CIT: variants seen among roughly 807,000 people sequenced by gnomAD.
CIT encodes the protein citron rho-interacting serine/threonine kinase.
CIT carries 79 observed loss-of-function variants against 272.7 expected under a neutral mutation model. That is an observed-to-expected ratio of 0.29 (90% CI 0.24 to 0.35). CIT has a LOEUF of 0.35. CIT is among the 10% of genes least tolerant of loss of function. The probability of loss-of-function intolerance (pLI) is 1.00; values close to 1 mark genes in which losing one functional copy is unlikely to be tolerated. For missense variants in CIT, 1,909 were observed against 2,618.3 expected (o/e 0.73, Z 5.91); for synonymous variants, 948 against 995.6 (o/e 0.95, Z 0.90).
chr12:119,804,384 A>C lies in CIT; in HGVS notation c.1112-995T>G. The stretch of plus-strand genomic sequence containing the variant: ...GCCAGGCGAGTTAGAGCCGAGCATC[A>C]CATCCCCCGCAGTGCAGGCTGCATG... On this transcript the variant is annotated intron_variant, in intron 9 of 47. Coordinates refer to ENST00000392521, the MANE Select transcript of CIT (RefSeq NM_001206999.2). This position sits in a 1 kb window ranked among gnomAD's most constrained non-coding sequence, Gnocchi z 5.3. 1.0e-6 allele frequency: 1 copy of C among 985,504 alleles called. No individual in the cohort carries two copies. Among genetic ancestry groups the C allele is most frequent in the Non-Finnish European group, 1.2e-6 (1 of 830,010 alleles). The allele number at this position is 985,504 out of a possible 1,614,324, so 61.0% of individuals were successfully genotyped here.
At chr12:119,829,344 AAGAAGAGAAG>A (rs58685524) in intron 7 of CIT, among the ~76,000 whole-genome samples, 16,759 of 133,276 alleles carry the variant, frequency 0.13, 1,057 homozygotes, top group Middle Eastern at 0.17. Context: ...CTTGAAAGAA[AAGAAGAGAAG>A]AGAAGAGAAG....
intron 4 of CIT, among the ~76,000 whole-genome samples, chr12:119,856,825 C>T (rs1156549539): frequency 6.6e-6 from 1 of 152,190 alleles, no homozygotes; most frequent in Non-Finnish European, 1.5e-5. Flanking sequence ...TGTTTTTAAA[C>T]ACTGAAAATA....
chr12:119,819,980 C>T (rs137969084), intron 9 of CIT, among the ~76,000 whole-genome samples: 20 of 152,264 alleles, frequency 1.3e-4, no homozygotes, highest in African/African-American at 4.3e-4. Flanking sequence ...TGCCATAAAA[C>T]CACCAGGAAA....
At chr12:119,709,801 T>A (rs868318319) in intron 39 of CIT, among the ~76,000 whole-genome samples, 23,861 of 132,666 alleles carry the variant, frequency 0.18, 2,616 homozygotes, top group African/African-American at 0.34. Flanking sequence ...TGTGTGTGTG[T>A]GTGTGTGTGT....
chr12:119,763,129 A>G (rs402811), intron 19 of CIT, among the ~76,000 whole-genome samples: 127,872 of 152,184 alleles, frequency 0.84, 54,135 homozygotes, highest in African/African-American at 0.91. Flanking sequence ...TAAACAAGAT[A>G]TATGGGGAAG....
Position 119,700,784 on chromosome 12 carries a change from T to C in CIT, c.5584A>G (p.Thr1862Ala). 1 of 1,614,032 alleles carries C rather than the reference T, an allele frequency of 6.2e-7. No individual in the cohort carries two copies. Among genetic ancestry groups the C allele is most frequent in the Non-Finnish European group, 8.5e-7 (1 of 1,179,972 alleles). Reference sequence around the variant, plus strand: ...AAGCGACTCCACTTGAGATCGTCTGTGCGGCTACGTCTTCCGTAAGAATCC... The same window carrying C: ...AAGCGACTCCACTTGAGATCGTCTGCGCGGCTACGTCTTCCGTAAGAATCC... ...FVDSYGRRSR[T>A]DDLKWSRLPL... Residue 1862 changes from threonine to alanine, a missense_variant, in exon 44 of 48, where the codon ACA becomes GCA. By Grantham distance (58) the Thr-to-Ala change is moderately conservative (BLOSUM62 0). Transcript: ENST00000392521.
Position 119,784,872 on chromosome 12 carries a change from G to A in CIT, c.1401+88C>T, listed in dbSNP as rs1964631088. Reference sequence around the variant, plus strand: ...CTCTCTACGGATCAGGCGGCTCAGAGCCAGCAGCGGCCCCGGGCGGATCCC... The same window carrying A: ...CTCTCTACGGATCAGGCGGCTCAGAACCAGCAGCGGCCCCGGGCGGATCCC... On this transcript the variant is annotated intron_variant, in intron 11 of 47. Coordinates refer to ENST00000392521, the MANE Select transcript of CIT (RefSeq NM_001206999.2). The surrounding 1 kb of genome is among the most constrained non-coding windows in gnomAD (Gnocchi z 4.7). The A allele has an allele frequency of 2.0e-6, 3 of 1,534,158 alleles. No individual in the cohort carries two copies. The highest frequency in any genetic ancestry group is 1.3e-5 in the South Asian group (1 of 79,060).
Position 119,718,974 on chromosome 12 carries a change from G to A in CIT, c.3841-113C>T, listed in dbSNP as rs1156364235. The A allele has an allele frequency of 9.8e-7, 1 of 1,022,932 alleles. No homozygotes were observed. Among genetic ancestry groups the A allele is most frequent in the Non-Finnish European group, 1.4e-6 (1 of 690,250 alleles). The allele number at this position is 1,022,932 out of a possible 1,614,324, so 63.4% of individuals were successfully genotyped here. On this transcript the variant is annotated intron_variant, in intron 30 of 47. Coordinates refer to ENST00000392521, the MANE Select transcript of CIT (RefSeq NM_001206999.2). This position sits in a 1 kb window ranked among gnomAD's most constrained non-coding sequence, Gnocchi z 4.8. ...CACAAAAGCCAGGAGCATACTCACTGTAAGTGTATTTAGTAAAAATGGCAT... is the reference window on the plus strand; with the variant it reads ...CACAAAAGCCAGGAGCATACTCACTATAAGTGTATTTAGTAAAAATGGCAT...
chr12:119,700,845 C>T lies in CIT; in HGVS notation c.5543-20G>A, dbSNP rs1565904406. 5.6e-6 allele frequency: 9 copies of T among 1,605,366 alleles called. No homozygotes were observed. Among genetic ancestry groups the T allele is most frequent in the Non-Finnish European group, 6.8e-6 (8 of 1,172,346 alleles). On this transcript the variant is annotated intron_variant, in intron 43 of 47. Transcript: ENST00000392521. ...CAAATTCTGCAAGGTGTCAAGAGCA[C>T]GTGGGCATTAGCACAGCCAAGAGCA...
chr12:119,791,501 G>A (rs758933693), intron 10 of CIT, among the ~76,000 whole-genome samples: 4 of 152,126 alleles, frequency 2.6e-5, no homozygotes, highest in African/African-American at 7.2e-5. Context: ...AGAAACCCAG[G>A]CCAGTTCATG....
In CIT at chr12:119,713,438, G is replaced by A; in HGVS notation, c.4487+30C>T. 6.2e-7 allele frequency: 1 copy of A among 1,606,720 alleles called. No individual in the cohort carries two copies. The highest frequency in any genetic ancestry group is 8.5e-7 in the Non-Finnish European group (1 of 1,176,030). ...GACAGAGTGGCTTGTGCCAGCACCT[G>A]CTCCAGCCCAAGCCACCCTGACATG... On this transcript the variant is annotated intron_variant, in intron 34 of 47. Transcript: ENST00000392521. This position sits in a 1 kb window ranked among gnomAD's most constrained non-coding sequence, Gnocchi z 5.2.
chr12:119,820,689 G>A (rs1005096362), intron 9 of CIT, among the ~76,000 whole-genome samples: 2 of 152,110 alleles, frequency 1.3e-5, no homozygotes, highest in Non-Finnish European at 2.9e-5. Flanking sequence ...TTAAAATTAG[G>A]GCTGGGTGCA....
rs183083924 is a variant in CIT at position 119,749,001 on chromosome 12, C to T, written c.2904+3049G>A. On this transcript the variant is annotated intron_variant, in intron 23 of 47. Coordinates refer to ENST00000392521, the MANE Select transcript of CIT (RefSeq NM_001206999.2). ...AATGTCTCTTTTCCAGCAATAAGTA[C>T]GGAAGTATCTTAAAAGCATGTTTCT... Among the ~76,000 whole-genome samples, 61 of 152,228 alleles carry T rather than the reference C, an allele frequency of 4.0e-4. No individual in the cohort carries two copies. In the South Asian group the frequency reaches 0.01, roughly 26 times the overall value.
At chr12:119,854,253 C>T (rs970497612) in intron 4 of CIT, among the ~76,000 whole-genome samples, 1 of 151,614 alleles carries the variant, frequency 6.6e-6, no homozygotes, top group Non-Finnish European at 1.5e-5. Context: ...GTCTCAAACT[C>T]CCGACCTCAA....
At chr12:119,826,668 G>A (rs1290031773) in intron 7 of CIT, among the ~76,000 whole-genome samples, 1 of 152,090 alleles carries the variant, frequency 6.6e-6, no homozygotes, top group Non-Finnish European at 1.5e-5. Context: ...ATAGTGTGTT[G>A]GCCAGCTGTC....
chr12:119,757,314 TG>T, intron 22 of CIT, 56 bp downstream of exon 22: 1 of 1,597,464 alleles, frequency 6.3e-7, no homozygotes. Context: ...AAAGCTGACT[TG>T]TTCAGAGCCC....
At position 119,784,648 on chromosome 12, in the gene CIT, G is replaced by A. The variant is rs925896321; in HGVS notation, c.1401+312C>T. 2 of 1,253,704 alleles carry A rather than the reference G, an allele frequency of 1.6e-6. No homozygotes were observed. The highest frequency in any genetic ancestry group is 2.0e-6 in the Non-Finnish European group (2 of 994,000). 77.7% of individuals were successfully genotyped at this position (1,253,704 alleles called of 1,614,324 possible). A position where few individuals can be genotyped will look rare whatever the true frequency, so the allele number is the denominator to read the frequency against. ...TCGCATCACTCAAAGCAGATGGGAT[G>A]TATCTCAGCCACAGGTGAGGACCCA... is the stretch of plus-strand genomic sequence containing the variant. On this transcript the variant is annotated intron_variant, in intron 11 of 47. Coordinates refer to ENST00000392521, the MANE Select transcript of CIT (RefSeq NM_001206999.2). This position sits in a 1 kb window ranked among gnomAD's most constrained non-coding sequence, Gnocchi z 4.7.
chr12:119,801,548 G>A (rs1307432018), intron 10 of CIT, among the ~76,000 whole-genome samples: 1 of 152,122 alleles, frequency 6.6e-6, no homozygotes, highest in African/African-American at 2.4e-5. Flanking sequence ...AAGCAAGCTT[G>A]CATTCTGACC....
At chr12:119,815,087 C>CCACA (rs781036533) in intron 9 of CIT, among the ~76,000 whole-genome samples, 1 of 103,038 alleles carries the variant, frequency 9.7e-6, no homozygotes, top group Admixed American at 1.1e-4. Context: ...TGCTCACATA[C>CCACA]CACACACACA....
Sources: allele counts gnomAD v4.1 joint callset (sites outside exome capture counted in the v4.1 genomes callset), GRCh38; gene constraint gnomAD v4.1.1; non-coding constraint Gnocchi (gnomAD v3.1); transcripts MANE v1.5; gene names NCBI Gene and HGNC (gene_info 2026-07-23, HGNC 2026-07-21).